Variants in CARMIL1 observed in about 807,000 individuals in gnomAD.
CARMIL1 encodes the protein F-actin-uncapping protein LRRC16A.
CARMIL1 carries 90 observed loss-of-function variants against 177.1 expected under a neutral mutation model. The observed-to-expected ratio is 0.51, with a 90% CI of 0.43 to 0.61. CARMIL1 has a LOEUF of 0.61. Ranked by LOEUF, CARMIL1 falls within the 20% of genes least tolerant of loss-of-function variation. The pLI, the probability that CARMIL1 is intolerant of heterozygous loss-of-function variation, is 0.00. For missense variants in CARMIL1, 1,380 were observed against 1,667.0 expected, an observed-to-expected ratio of 0.83 and a Z score of 3.00; for synonymous variants, 577 against 606.2, an observed-to-expected ratio of 0.95 and a Z score of 0.71.
At chr6:25,592,266 G>A (rs1313265699) in intron 31 of CARMIL1, among the ~76,000 whole-genome samples, 2 of 152,086 alleles carry the variant, frequency 1.3e-5, no homozygotes, top group Non-Finnish European at 2.9e-5. Flanking sequence ...TAGACATAAG[G>A]GTGACATAAT....
intron 16 of CARMIL1, among the ~76,000 whole-genome samples, chr6:25,498,009 T>A (rs1294387607): frequency 2.0e-5 from 3 of 152,162 alleles, no homozygotes; most frequent in African/African-American, 7.2e-5. Flanking sequence ...CTGGTTCATA[T>A]GTGTCCCAAG....
intron 8 of CARMIL1, among the ~76,000 whole-genome samples, chr6:25,460,632 G>GCTC (rs1192577036): frequency 6.6e-6 from 1 of 152,164 alleles, no homozygotes; most frequent in Non-Finnish European, 1.5e-5. Context: ...AGGCTGAGAG[G>GCTC]TATTAAGGAT....
chr6:25,306,673 TAA>T (rs1168121902), intron 2 of CARMIL1, among the ~76,000 whole-genome samples: 1 of 152,226 alleles, frequency 6.6e-6, no homozygotes, highest in Non-Finnish European at 1.5e-5. Flanking sequence ...TACCAATTTT[TAA>T]AAAAGTCATT....
At chr6:25,506,536 C>T (rs561529292) in intron 17 of CARMIL1, among the ~76,000 whole-genome samples, 2 of 142,800 alleles carry the variant, frequency 1.4e-5, no homozygotes, top group East Asian at 1.9e-4. Flanking sequence ...ACAGTGACTC[C>T]GTCTCAAACA....
Position 25,515,108 on chromosome 6 carries a change from T to C in CARMIL1, c.1633-567T>C, listed in dbSNP as rs147814314. ...TGGTTGAGTCACCTAACTTTTCTGT[T>C]TGTTGGTTTGGGAAATGGGGATAAC... On this transcript the variant is annotated intron_variant, in intron 20 of 36. Transcript: ENST00000329474. This position sits in a 1 kb window ranked among gnomAD's most constrained non-coding sequence, Gnocchi z 5.0. Among the ~76,000 whole-genome samples, 547 of 152,282 alleles carry C rather than the reference T, an allele frequency of 3.6e-3. 2 individuals carry two copies. Among genetic ancestry groups the C allele is most frequent in the African/African-American group, 0.013 (534 of 41,554 alleles).
At position 25,491,784 on chromosome 6, in the gene CARMIL1, C is replaced by A; in HGVS notation, c.1118C>A (p.Ser373Tyr). Residue 373 changes from serine to tyrosine, a missense_variant, in exon 14 of 37, where the codon TCC becomes TAC. Physicochemically the swap from Ser to Tyr is moderately radical, Grantham distance 144. Transcript: ENST00000329474. ...QPNAIVHLDL[S>Y]NTECSLDMVC... The stretch of plus-strand genomic sequence containing the variant: ...AATGCCATTGTTCATCTGGATTTAT[C>A]CAATACAGAATGTTCCCTGGACATG... The A allele has an allele frequency of 6.3e-7, 1 of 1,598,824 alleles. No homozygotes were observed. Among genetic ancestry groups the A allele is most frequent in the South Asian group, 1.1e-5 (1 of 88,888 alleles).
chr6:25,544,159 C>G (rs571053220), intron 26 of CARMIL1, among the ~76,000 whole-genome samples: 97 of 152,022 alleles, frequency 6.4e-4, no homozygotes, highest in African/African-American at 2.3e-3. Flanking sequence ...TTAGATTTTC[C>G]CCCAAAAAGA....
chr6:25,475,276 C>T (rs1801445049), intron 11 of CARMIL1, among the ~76,000 whole-genome samples: 1 of 151,914 alleles, frequency 6.6e-6, no homozygotes, highest in Non-Finnish European at 1.5e-5. Context: ...TGGTGGCAGG[C>T]ACCTGTAGTC....
At chr6:25,584,026 C>CTTTTTTTTTT (rs71544648) in intron 31 of CARMIL1, among the ~76,000 whole-genome samples, 3 of 119,126 alleles carry the variant, frequency 2.5e-5, no homozygotes, top group Non-Finnish European at 5.2e-5. Flanking sequence ...TTTTCTTTTT[C>CTTTTTTTTTT]TTTTTTTTTT....
In CARMIL1 at chr6:25,326,783, A is replaced by G. The variant is rs908874222; in HGVS notation, c.138+41874A>G. ...GGTAGGGATGATAGGACTTTTGTAT[A>G]TGGGAGCTGAGGAAAAAGGAGAAAT... On this transcript the variant is annotated intron_variant, in intron 2 of 36. Transcript: ENST00000329474. This position sits in a 1 kb window ranked among gnomAD's most constrained non-coding sequence, Gnocchi z 4.2. Among the ~76,000 whole-genome samples, 1 of 152,062 alleles carries G rather than the reference A, an allele frequency of 6.6e-6. No homozygotes were observed. The highest frequency in any genetic ancestry group is 2.1e-4 in the South Asian group (1 of 4,812).
intron 9 of CARMIL1, among the ~76,000 whole-genome samples, chr6:25,470,962 C>T (rs1215825890): frequency 6.6e-6 from 1 of 152,196 alleles, no homozygotes; most frequent in South Asian, 2.1e-4. Context: ...CTGGATGGCA[C>T]ACTCTTGAAG....
intron 2 of CARMIL1, among the ~76,000 whole-genome samples, chr6:25,358,648 G>A (rs1305391880): frequency 1.3e-5 from 2 of 152,130 alleles, no homozygotes; most frequent in Non-Finnish European, 2.9e-5. Flanking sequence ...ACGCCTCTAA[G>A]GGGGAAAAAT....
At chr6:25,468,095 C>T (rs1209780355) in intron 9 of CARMIL1, among the ~76,000 whole-genome samples, 1 of 151,962 alleles carries the variant, frequency 6.6e-6, no homozygotes, top group Non-Finnish European at 1.5e-5. Flanking sequence ...TGTTCCTAGT[C>T]CAATAAAAGC....
intron 24 of CARMIL1, among the ~76,000 whole-genome samples, chr6:25,533,909 A>T (rs1306015989): frequency 1.3e-5 from 2 of 151,870 alleles, no homozygotes; most frequent in Non-Finnish European, 2.9e-5. Flanking sequence ...GACCAAACTC[A>T]TCCTTTTGAA....
chr6:25,321,347 G>A (rs185687072), intron 2 of CARMIL1, among the ~76,000 whole-genome samples: 93 of 152,294 alleles, frequency 6.1e-4, no homozygotes, highest in African/African-American at 1.5e-3. Context: ...TAAGCTGGAT[G>A]TTCTGGTGAG....
At chr6:25,319,764 CTTTTTTTT>C (rs10625095) in intron 2 of CARMIL1, among the ~76,000 whole-genome samples, 6 of 118,702 alleles carry the variant, frequency 5.1e-5, no homozygotes, top group South Asian at 5.7e-4. Flanking sequence ...CATTTGGTCA[CTTTTTTTT>C]TTTTTTTTTT....
chr6:25,524,304 A>G (rs972405985), intron 23 of CARMIL1, among the ~76,000 whole-genome samples: 9 of 152,354 alleles, frequency 5.9e-5, no homozygotes, highest in Non-Finnish European at 8.8e-5. Context: ...TCCCCTTCCT[A>G]ACACCTTATC....
Position 25,421,933 on chromosome 6 carries a change from A to G in CARMIL1, c.189+1769A>G, listed in dbSNP as rs866005362. 6.6e-4 allele frequency among the ~76,000 whole-genome samples: 100 copies of G among 151,206 alleles called. 1 individual carries two copies. The highest frequency in any genetic ancestry group is 1.4e-3 in the Admixed American group (21 of 15,198). ...TATACCTAATGTAAATGACGAGTTAATGGGTGCAGCACACCAACATGGCAC... is the reference window on the plus strand; with the variant it reads ...TATACCTAATGTAAATGACGAGTTAGTGGGTGCAGCACACCAACATGGCAC... On this transcript the variant is annotated intron_variant, in intron 3 of 36. Coordinates refer to ENST00000329474, the MANE Select transcript of CARMIL1 (RefSeq NM_017640.6).
chr6:25,310,015 G>A (rs113849116), intron 2 of CARMIL1, among the ~76,000 whole-genome samples: 2,424 of 151,946 alleles, frequency 0.016, 64 homozygotes, highest in African/African-American at 0.055. Flanking sequence ...TGATCCACCC[G>A]CCTCTGCCTC....
Sources: allele counts gnomAD v4.1 joint callset (sites outside exome capture counted in the v4.1 genomes callset), GRCh38; gene constraint gnomAD v4.1.1; non-coding constraint Gnocchi (gnomAD v3.1); transcripts MANE v1.5; gene names NCBI Gene and HGNC (gene_info 2026-07-23, HGNC 2026-07-21).